ZNF527: variants seen among roughly 807,000 people sequenced by gnomAD.
ZNF527 encodes the protein zinc finger protein 527.
In ZNF527, 5 loss-of-function variants were observed where a neutral mutation model predicts 13.5. The ratio of observed to expected loss-of-function variants is 0.37; its 90% CI spans 0.19 to 0.78. The LOEUF (loss-of-function observed/expected upper bound fraction) is 0.78. ZNF527 is among the 30% of genes least tolerant of loss of function. The pLI is 0.48. For missense variants in ZNF527, 628 were observed against 726.4 expected (o/e 0.86, Z 1.56); for synonymous variants, 209 against 243.1 (o/e 0.86, Z 1.30).
chr19:37,377,900 C>T (rs1004005358), intron 2 of ZNF527, among the ~76,000 whole-genome samples: 5 of 152,042 alleles, frequency 3.3e-5, no homozygotes, highest in African/African-American at 1.2e-4. Context: ...AGTCAGCCTC[C>T]TAGGACTCAG....
At chr19:37,382,388 CTCTA>C (rs1172073515) in intron 4 of ZNF527, among the ~76,000 whole-genome samples, 1 of 152,020 alleles carries the variant, frequency 6.6e-6, no homozygotes, top group East Asian at 1.9e-4. Flanking sequence ...TTTTTATTAC[CTCTA>C]TCTTTTTATA....
chr19:37,384,709 A>G (rs562969881), intron 4 of ZNF527, among the ~76,000 whole-genome samples: 2 of 152,324 alleles, frequency 1.3e-5, no homozygotes, highest in East Asian at 3.9e-4. Context: ...AATATTGTCT[A>G]AGTGAAATTT....
chr19:37,376,363 A>G (rs1463952479), intron 2 of ZNF527, among the ~76,000 whole-genome samples: 1 of 151,904 alleles, frequency 6.6e-6, no homozygotes, highest in Non-Finnish European at 1.5e-5. Flanking sequence ...GTCTTAAAAA[A>G]AAATAAAAAA....
intron 4 of ZNF527, among the ~76,000 whole-genome samples, chr19:37,384,088 G>A (rs765016770): frequency 4.6e-5 from 7 of 151,948 alleles, no homozygotes; most frequent in Admixed American, 1.3e-4. Flanking sequence ...GGGAGGCTGA[G>A]GTGGGTGGAT....
chr19:37,388,094 G>A (rs773924045), intron 4 of ZNF527, among the ~76,000 whole-genome samples: 29 of 152,050 alleles, frequency 1.9e-4, no homozygotes, highest in Non-Finnish European at 3.4e-4. Context: ...CCTCCCTATC[G>A]TCAACACATA....
chr19:37,375,397 T>C lies in ZNF527; in HGVS notation c.33+1166T>C, dbSNP rs553142565. On this transcript the variant is annotated intron_variant, in intron 2 of 4. Coordinates refer to ENST00000436120, the MANE Select transcript of ZNF527 (RefSeq NM_032453.2). ...TTTTTTTTGAGATGGAGTGTTGCTC[T>C]GTCGCTCAGGCTGGAGTGCAATGGC... Among the ~76,000 whole-genome samples the C allele has an allele frequency of 5.4e-5, 8 of 149,324 alleles. No homozygotes were observed. In the East Asian group the frequency reaches 1.4e-3, roughly 26 times the overall value.
In ZNF527 at chr19:37,389,612, A is replaced by C. The variant is rs748830181; in HGVS notation, c.1563A>C (p.Ala521=). The change falls in exon 5 of 5, where the codon GCA becomes GCC. Residue 521 remains alanine, a synonymous_variant. Coordinates refer to ENST00000436120, the MANE Select transcript of ZNF527 (RefSeq NM_032453.2). ...LVLIHHKRSH[A]GEKPYECNKC... ...TAATTCACCATAAGAGAAGTCATGC[A>C]GGAGAGAAACCCTATGAATGTAACA... The C allele has an allele frequency of 1.2e-6, 2 of 1,614,086 alleles. No individual in the cohort carries two copies. The highest frequency in any genetic ancestry group is 1.7e-5 in the Admixed American group (1 of 60,004).
At chr19:37,384,756 T>C in intron 4 of ZNF527, 1 of 527,336 alleles carries the variant, frequency 1.9e-6, no homozygotes, top group Admixed American at 3.1e-5. Context: ...GTTATGGTTT[T>C]AATTTACTAG....
chr19:37,382,243 G>T (rs1173971994), intron 4 of ZNF527, among the ~76,000 whole-genome samples: 1 of 151,944 alleles, frequency 6.6e-6, no homozygotes, highest in African/African-American at 2.4e-5. Context: ...ACTCTTTCTG[G>T]CCCTGACAGC....
chr19:37,383,539 ATT>A (rs750041418), intron 4 of ZNF527, among the ~76,000 whole-genome samples: 11 of 121,142 alleles, frequency 9.1e-5, no homozygotes, highest in Non-Finnish European at 1.1e-4. Flanking sequence ...CACCCAGCTG[ATT>A]TTTTTTTTTT....
chr19:37,375,968 G>A (rs895685833), intron 2 of ZNF527, among the ~76,000 whole-genome samples: 1 of 152,178 alleles, frequency 6.6e-6, no homozygotes, highest in African/African-American at 2.4e-5. Context: ...TGGTAACATG[G>A]AAATATTCTT....
intron 4 of ZNF527, 42 bp downstream of exon 4, chr19:37,380,414 A>T (rs1036329148): frequency 2.6e-6 from 4 of 1,560,512 alleles, no homozygotes; most frequent in Non-Finnish European, 3.5e-6. Context: ...ATTGTAAGGT[A>T]CTCAACCAAG....
intron 1 of ZNF527, 82 bp downstream of exon 1, chr19:37,371,308 C>T (rs1235670038): frequency 1.1e-4 from 16 of 152,250 alleles, no homozygotes; most frequent in Admixed American, 1.0e-3. Context: ...GATGGGAACC[C>T]GGCAGGAGTC....
rs779384598 is a variant in ZNF527 at position 37,388,848 on chromosome 19, A to G, written c.799A>G (p.Thr267Ala). Residue 267 changes from threonine (T) to alanine (A), a missense_variant, in exon 5 of 5, where the codon ACT becomes GCT. By Grantham distance (58) the Thr-to-Ala change is moderately conservative. Coordinates refer to ENST00000436120, the MANE Select transcript of ZNF527 (RefSeq NM_032453.2). ...CTCATTATTTACTCAACATCAGACC[A>G]CTCATTTTGGAAAATTACCCCATGG... Reference protein sequence around the residue: ...FHSLFTQHQTTHFGKLPHGYD... With the variant: ...FHSLFTQHQTAHFGKLPHGYD... 1 of 1,614,036 alleles carries G rather than the reference A, an allele frequency of 6.2e-7. No individual in the cohort carries two copies. Among genetic ancestry groups the G allele is most frequent in the Non-Finnish European group, 8.5e-7 (1 of 1,180,000 alleles).
In ZNF527 at chr19:37,388,909, C is replaced by T; in HGVS notation, c.860C>T (p.Ser287Leu). 2 of 1,614,146 alleles carry T rather than the reference C, an allele frequency of 1.2e-6. No individual in the cohort carries two copies. Among genetic ancestry groups the T allele is most frequent in the South Asian group, 2.2e-5 (2 of 91,074 alleles). The change falls in exon 5 of 5, where the codon TCA (serine) becomes TTA (leucine). Residue 287 changes from serine (S) to leucine (L), a missense_variant. Ser to Leu is a moderately radical substitution (Grantham distance 145, BLOSUM62 -2). Transcript: ENST00000436120. ...DECGDAFSCY[S>L]FFTQPQRIHS... ...TGTGGTGATGCCTTTAGCTGTTACT[C>T]ATTCTTTACTCAACCTCAGAGAATT...
At chr19:37,386,894 A>T (rs2040704628) in intron 4 of ZNF527, among the ~76,000 whole-genome samples, 1 of 152,370 alleles carries the variant, frequency 6.6e-6, no homozygotes, top group South Asian at 2.1e-4. Context: ...GTGAGGGAAC[A>T]GAAGTAGTTG....
Position 37,388,599 on chromosome 19 carries a change from G to A in ZNF527, c.550G>A (p.Val184Ile). ...ATCAGTATTTTTAACACAACAGAAAGTTCCTACCATACAGCAAGTACATAA... is the reference window on the plus strand; with the variant it reads ...ATCAGTATTTTTAACACAACAGAAAATTCCTACCATACAGCAAGTACATAA... The part of the protein sequence containing the change: ...LKSVFLTQQK[V>I]PTIQQVHKFD... Residue 184 changes from valine (V) to isoleucine (I), a missense_variant, in exon 5 of 5, where the codon GTT becomes ATT. Physicochemically the swap from Val to Ile is conservative, Grantham distance 29 (BLOSUM62 3). Around this residue, in one of 3 missense-constraint regions of ZNF527, gnomAD observed 592 missense variants for 678.0 expected, o/e 0.87. Transcript: ENST00000436120. 6.2e-7 allele frequency: 1 copy of A among 1,614,034 alleles called. No individual in the cohort carries two copies. The highest frequency in any genetic ancestry group is 8.5e-7 in the Non-Finnish European group (1 of 1,179,970).
chr19:37,374,750 G>C (rs2040585592), intron 2 of ZNF527, among the ~76,000 whole-genome samples: 2 of 152,202 alleles, frequency 1.3e-5, no homozygotes, highest in South Asian at 4.1e-4. Context: ...AAATTACGTA[G>C]GCCCTTTCAA....
Position 37,380,224 on chromosome 19 carries a change from T to C in ZNF527, c.161-53T>C, listed in dbSNP as rs541294742. On this transcript the variant is annotated intron_variant, in intron 3 of 4. Transcript: ENST00000436120. ...AGACAGCTGTGGCATGTTGATTTGTTTGTCTGTATGTCTTTCTGTCTCTTG... is the reference window on the plus strand; with the variant it reads ...AGACAGCTGTGGCATGTTGATTTGTCTGTCTGTATGTCTTTCTGTCTCTTG... 92 of 1,605,664 alleles carry C rather than the reference T, an allele frequency of 5.7e-5. 1 individual carries two copies. The South Asian group carries it at 8.4e-4, about 15-fold the overall frequency.
Sources: gnomAD v4.1 joint callset for allele counts (sites outside exome capture counted in the v4.1 genomes callset) on GRCh38, gnomAD v4.1.1 for gene constraint, gnomAD v4.1.1 regional missense constraint, MANE v1.5 for transcripts, NCBI Gene and HGNC (gene_info 2026-07-23, HGNC 2026-07-21) for gene names.